The following USH2A variants were observed in gnomAD, a reference collection of about 807,000 sequenced individuals.
USH2A encodes the protein Usher syndrome 2A (autosomal recessive, mild).
USH2A carries 443 observed loss-of-function variants against 538.9 expected under a neutral mutation model. The observed-to-expected ratio is 0.82, with a 90% CI of 0.76 to 0.89. The LOEUF is 0.89. USH2A is among the 40% of genes least tolerant of loss of function. USH2A has a pLI of 0.00. For missense variants in USH2A, 6,633 were observed against 6,324.8 expected (o/e 1.05, Z -1.65); for synonymous variants, 2,413 against 2,273.5 (o/e 1.06, Z -1.75).
chr1:216,418,511 C>G lies in USH2A; in HGVS notation c.651+3G>C. Reference sequence around the variant, plus strand: ...AATGTTAAATATTTTTTATTTTACTCACCTGCACACTAAGATGAATCCATT... The same window carrying G: ...AATGTTAAATATTTTTTATTTTACTGACCTGCACACTAAGATGAATCCATT... On this transcript the variant is annotated splice_donor_region_variant and intron_variant, in intron 3 of 71. Transcript: ENST00000307340. The G allele has an allele frequency of 6.2e-7, 1 of 1,612,630 alleles. No homozygotes were observed. Among genetic ancestry groups the G allele is most frequent in the Non-Finnish European group, 8.5e-7 (1 of 1,179,348 alleles).
intron 4 of USH2A, among the ~76,000 whole-genome samples, chr1:216,364,269 T>G (rs965462724): frequency 1.3e-5 from 2 of 152,098 alleles, no homozygotes; most frequent in Non-Finnish European, 2.9e-5. Flanking sequence ...TAATACTTCG[T>G]AGTTCTACTT....
At chr1:216,388,988 TATAAGA>T (rs1175525619) in intron 3 of USH2A, among the ~76,000 whole-genome samples, 2 of 152,170 alleles carry the variant, frequency 1.3e-5, no homozygotes, top group South Asian at 2.1e-4. Context: ...ATGATGGCAG[TATAAGA>T]ATAAGAATAT....
intron 60 of USH2A, among the ~76,000 whole-genome samples, chr1:215,738,881 T>A (rs954464410): frequency 1.3e-5 from 2 of 152,154 alleles, no homozygotes; most frequent in Non-Finnish European, 2.9e-5. Context: ...TGGCTATAAC[T>A]ATATAAAGGG....
chr1:216,100,370 T>C (rs758220244), intron 21 of USH2A, among the ~76,000 whole-genome samples: 40 of 152,176 alleles, frequency 2.6e-4, no homozygotes, highest in South Asian at 2.1e-4. Context: ...AGCAGAAACA[T>C]AGACGTAGAG....
Position 215,845,940 on chromosome 1 carries a change from T to A in USH2A, c.8939A>T (p.Asn2980Ile). 1 of 1,613,776 alleles carries A rather than the reference T, an allele frequency of 6.2e-7. No individual in the cohort carries two copies. Among genetic ancestry groups the A allele is most frequent in the South Asian group, 1.1e-5 (1 of 91,082 alleles). The change falls in exon 45 of 72, where the codon AAC (asparagine) becomes ATC (isoleucine). Residue 2980 changes from asparagine (N) to isoleucine (I), a missense_variant. Transcript: ENST00000307340. ...NDSLKILPDVNSHVIGHLKPN... is the reference protein window; with the variant it reads ...NDSLKILPDVISHVIGHLKPN... ...CTTTAGGTGGCCAATGACATGAGAG[T>A]TTACATCTGGCAAGATTTTTAGAGA...
rs1212720652 is a variant in USH2A, at chr1:216,199,716, G to T, written c.3722C>A (p.Ala1241Asp). Residue 1241 changes from alanine to aspartate, a missense_variant, in exon 17 of 72, where the codon GCC (alanine) becomes GAC (aspartate). Transcript: ENST00000307340. ...SLPITVTTAQ[A>D]PPQRLSPPKM... ...AGGTGGACTTAGTCTTTGGGGAGGG[G>T]CCTGGGCTGTGGTCACTGTAATGGG... 1.9e-6 allele frequency: 3 copies of T among 1,614,078 alleles called. No homozygotes were observed. Among genetic ancestry groups the T allele is most frequent in the Non-Finnish European group, 8.5e-7 (1 of 1,179,984 alleles).
chr1:215,886,881 G>T (rs1439508325), intron 41 of USH2A, among the ~76,000 whole-genome samples: 10 of 151,762 alleles, frequency 6.6e-5, no homozygotes, highest in Non-Finnish European at 1.3e-4. Flanking sequence ...CTTTTGAGAT[G>T]GAGTCTCGCT....
chr1:216,011,785 C>T (rs944338995), intron 32 of USH2A, among the ~76,000 whole-genome samples: 2 of 151,916 alleles, frequency 1.3e-5, no homozygotes, highest in Admixed American at 6.6e-5. Flanking sequence ...ACGGCTCCTT[C>T]AGCTGTACTC....
chr1:215,859,047 G>A (rs192249845), intron 44 of USH2A, among the ~76,000 whole-genome samples: 72 of 152,216 alleles, frequency 4.7e-4, no homozygotes, highest in Middle Eastern at 6.8e-3. Context: ...CGGAGAAAGG[G>A]AGAGAAGGGG....
chr1:216,378,570 A>G (rs2038877357), intron 3 of USH2A, among the ~76,000 whole-genome samples: 1 of 152,122 alleles, frequency 6.6e-6, no homozygotes, highest in Non-Finnish European at 1.5e-5. Context: ...CACCTCAGAG[A>G]GCCCCCGAAT....
At chr1:215,721,243 T>A (rs1428683139) in intron 61 of USH2A, among the ~76,000 whole-genome samples, 1 of 152,052 alleles carries the variant, frequency 6.6e-6, no homozygotes, top group East Asian at 1.9e-4. Flanking sequence ...CTTGGCTAAT[T>A]TTTGTATTTT....
chr1:215,794,701 G>A (rs915781481), intron 50 of USH2A, among the ~76,000 whole-genome samples: 1 of 152,180 alleles, frequency 6.6e-6, no homozygotes, highest in Non-Finnish European at 1.5e-5. Context: ...GCTGTAGAAT[G>A]CCATGAGAAA....
intron 5 of USH2A, 142 bp downstream of exon 5, chr1:216,327,448 CA>C: frequency 1.1e-6 from 1 of 943,734 alleles, no homozygotes; most frequent in Non-Finnish European, 1.6e-6. Context: ...TAAGCCAAAG[CA>C]AACACTGTAA....
chr1:216,024,416 G>C (rs1668915235), intron 32 of USH2A, among the ~76,000 whole-genome samples: 1 of 151,984 alleles, frequency 6.6e-6, no homozygotes, highest in African/African-American at 2.4e-5. Context: ...GCATTATACA[G>C]GTAAGAATTA....
intron 44 of USH2A, among the ~76,000 whole-genome samples, chr1:215,847,137 C>G (rs935616584): frequency 3.3e-5 from 5 of 152,158 alleles, no homozygotes; most frequent in African/African-American, 9.7e-5. Context: ...TTTATCCATT[C>G]TTTTCCTTAG....
At chr1:216,359,591 C>T (rs1384509189) in intron 4 of USH2A, among the ~76,000 whole-genome samples, 1 of 151,846 alleles carries the variant, frequency 6.6e-6, no homozygotes, top group Non-Finnish European at 1.5e-5. Flanking sequence ...TCAGGTCATA[C>T]AGAAAAACAA....
chr1:215,732,899 C>CT (rs1007080535), intron 60 of USH2A, among the ~76,000 whole-genome samples: 35 of 152,180 alleles, frequency 2.3e-4, no homozygotes, highest in Non-Finnish European at 4.6e-4. Context: ...CCCCATATCA[C>CT]TTTTTCCAGA....
At chr1:216,178,801 G>T (rs2034439457) in intron 20 of USH2A, among the ~76,000 whole-genome samples, 1 of 152,078 alleles carries the variant, frequency 6.6e-6, no homozygotes, top group East Asian at 1.9e-4. Context: ...CACTTGAAAT[G>T]TAGCTAGTGA....
chr1:216,026,516 C>G (rs762329213), intron 32 of USH2A, among the ~76,000 whole-genome samples: 1 of 152,104 alleles, frequency 6.6e-6, no homozygotes, highest in African/African-American at 2.4e-5. Context: ...TTAGGTTAGT[C>G]TTAGGTCAAC....
Sources: gnomAD v4.1 joint callset for allele counts (sites outside exome capture counted in the v4.1 genomes callset) on GRCh38, gnomAD v4.1.1 for gene constraint, MANE v1.5 for transcripts, NCBI Gene and HGNC (gene_info 2026-07-23, HGNC 2026-07-21) for gene names.